The following NEK7 variants were observed in gnomAD, a reference collection of about 807,000 sequenced individuals.
The protein encoded by NEK7 is NIMA related kinase 7.
NEK7 carries 18 observed loss-of-function variants against 44.6 expected under a neutral mutation model. The observed-to-expected ratio is 0.40, with a 90% confidence interval of 0.28 to 0.60. NEK7 has a LOEUF of 0.60. NEK7 is among the 20% of genes least tolerant of loss of function. The pLI is 0.38. For synonymous variants in NEK7, 130 were observed against 121.1 expected (o/e 1.07, Z -0.48); for missense variants, 256 against 366.5 (o/e 0.70, Z 2.46).
At chr1:198,299,180 G>A (rs1307797239) in intron 9 of NEK7, among the ~76,000 whole-genome samples, 1 of 152,194 alleles carries the variant, frequency 6.6e-6, no homozygotes, top group African/African-American at 2.4e-5. Flanking sequence ...GAAAGCTGTA[G>A]TTTCTAGGTA....
chr1:198,256,412 C>T, intron 3 of NEK7: 1 of 1,611,830 alleles, frequency 6.2e-7, no homozygotes. Context: ...ATCTGAGAGC[C>T]TACAGTATAT....
At chr1:198,294,571 A>G (rs1363821777) in intron 8 of NEK7, among the ~76,000 whole-genome samples, 1 of 152,136 alleles carries the variant, frequency 6.6e-6, no homozygotes, top group Admixed American at 6.5e-5. Flanking sequence ...TTGAGGTAGT[A>G]AGTGGTTTTT....
intron 2 of NEK7, among the ~76,000 whole-genome samples, chr1:198,250,488 G>A (rs1299921861): frequency 4.0e-5 from 6 of 150,716 alleles, no homozygotes; most frequent in Non-Finnish European, 8.9e-5. Flanking sequence ...CCATTTTCAC[G>A]ATATTGATTC....
At chr1:198,201,546 C>T (rs1003143933) in intron 1 of NEK7, among the ~76,000 whole-genome samples, 1 of 152,086 alleles carries the variant, frequency 6.6e-6, no homozygotes, top group African/African-American at 2.4e-5. Flanking sequence ...GACCCTTTAC[C>T]AAAAGGTTGC....
Position 198,185,240 on chromosome 1 carries a change from T to G in NEK7, c.-29+27964T>G, listed in dbSNP as rs557259555. On this transcript the variant is annotated intron_variant, in intron 1 of 9. Coordinates refer to ENST00000367385, the MANE Select transcript of NEK7 (RefSeq NM_133494.3). ...GTCAGAAGAGAGGCTTTTTGCTTAG[T>G]GATTCTGTGTTTGAACTTTGTTCTT... is the stretch of plus-strand genomic sequence containing the variant. Among the ~76,000 whole-genome samples the G allele has an allele frequency of 2.3e-4, 33 of 145,116 alleles. 1 individual carries two copies. The South Asian group carries it at 5.3e-3, about 23-fold the overall frequency.
intron 8 of NEK7, among the ~76,000 whole-genome samples, chr1:198,293,991 A>G (rs1654635415): frequency 6.6e-6 from 1 of 151,908 alleles, no homozygotes; most frequent in South Asian, 2.1e-4. Flanking sequence ...ATATGATGAA[A>G]TCATCTATTT....
chr1:198,276,435 G>A (rs971910353), intron 5 of NEK7, among the ~76,000 whole-genome samples: 1 of 151,578 alleles, frequency 6.6e-6, no homozygotes, highest in Non-Finnish European at 1.5e-5. Context: ...CACATATACA[G>A]GGTTTATTTG....
chr1:198,267,467 G>A (rs1213128533), intron 5 of NEK7, among the ~76,000 whole-genome samples: 1 of 151,868 alleles, frequency 6.6e-6, no homozygotes, highest in African/African-American at 2.4e-5. Flanking sequence ...TTTTTGAGAT[G>A]GAATCTCACT....
chr1:198,193,143 A>G (rs191360018), intron 1 of NEK7, among the ~76,000 whole-genome samples: 180 of 152,310 alleles, frequency 1.2e-3, no homozygotes, highest in Admixed American at 3.7e-3. Context: ...CTGACTCCAC[A>G]GAAATACAAA....
At chr1:198,300,575 C>T (rs1035779385) in intron 9 of NEK7, among the ~76,000 whole-genome samples, 9 of 152,200 alleles carry the variant, frequency 5.9e-5, no homozygotes, top group Non-Finnish European at 1.2e-4. Context: ...TTGGCAGTTA[C>T]GCCATGTTGT....
intron 1 of NEK7, among the ~76,000 whole-genome samples, chr1:198,161,921 A>C (rs1412357896): frequency 6.6e-6 from 1 of 151,980 alleles, no homozygotes; most frequent in Non-Finnish European, 1.5e-5. Context: ...ACCTTTGTCT[A>C]CTTTAGAGGG....
chr1:198,170,292 G>A (rs1664397577), intron 1 of NEK7, among the ~76,000 whole-genome samples: 1 of 152,156 alleles, frequency 6.6e-6, no homozygotes, highest in African/African-American at 2.4e-5. Flanking sequence ...GAGTGGGGAG[G>A]AGTGTGTGGA....
chr1:198,228,695 T>C (rs1488024713), intron 1 of NEK7, among the ~76,000 whole-genome samples: 1 of 152,288 alleles, frequency 6.6e-6, no homozygotes, highest in East Asian at 1.9e-4. Context: ...ATAAGAATGC[T>C]TATGATTTTT....
chr1:198,283,235 A>G (rs1392951946), intron 7 of NEK7, among the ~76,000 whole-genome samples: 1 of 152,120 alleles, frequency 6.6e-6, no homozygotes, highest in South Asian at 2.1e-4. Context: ...GCGATGTGAT[A>G]TGGGTTGAAG....
At chr1:198,171,843 C>T (rs914010528) in intron 1 of NEK7, among the ~76,000 whole-genome samples, 3 of 152,118 alleles carry the variant, frequency 2.0e-5, no homozygotes, top group East Asian at 1.9e-4. Context: ...TCCCACATGC[C>T]GTAAGACTCA....
chr1:198,161,457 C>T (rs908743212), intron 1 of NEK7, among the ~76,000 whole-genome samples: 1 of 152,142 alleles, frequency 6.6e-6, no homozygotes, highest in Non-Finnish European at 1.5e-5. Context: ...TTCCCCCACT[C>T]TAGAAAATAA....
chr1:198,172,678 C>T (rs1483658677), intron 1 of NEK7, among the ~76,000 whole-genome samples: 4 of 152,088 alleles, frequency 2.6e-5, no homozygotes, highest in Admixed American at 2.0e-4. Flanking sequence ...TAGTTGCTGG[C>T]TAGAGAAGTG....
intron 5 of NEK7, among the ~76,000 whole-genome samples, chr1:198,270,233 A>G (rs577175450): frequency 2.2e-4 from 34 of 152,118 alleles, no homozygotes; most frequent in African/African-American, 7.9e-4. Flanking sequence ...TCATTGAATT[A>G]ATTTGTAAGT....
At chr1:198,278,862 T>C in intron 6 of NEK7, 92 bp from the exon 7 acceptor site, 1 of 667,374 alleles carries the variant, frequency 1.5e-6, no homozygotes, top group South Asian at 1.9e-5. Context: ...TTAAAATAAA[T>C]TTTAAATTCT....
Sources: gnomAD v4.1 joint callset for allele counts (sites outside exome capture counted in the v4.1 genomes callset) on GRCh38, gnomAD v4.1.1 for gene constraint, MANE v1.5 for transcripts, NCBI Gene and HGNC (gene_info 2026-07-23, HGNC 2026-07-21) for gene names.